The following PDGFC variants were observed in gnomAD, a reference collection of about 807,000 sequenced individuals.
PDGFC encodes the protein platelet derived growth factor C, also known as platelet-derived growth factor C.
PDGFC carries 12 observed loss-of-function variants against 35.5 expected under a neutral mutation model. That is an observed-to-expected ratio of 0.34 (90% confidence interval 0.22 to 0.55). PDGFC has a LOEUF of 0.55. PDGFC is among the 20% of genes least tolerant of loss of function. The probability of loss-of-function intolerance (pLI) is 0.91; values close to 1 mark genes in which losing one functional copy is unlikely to be tolerated. For synonymous variants in PDGFC, 159 were observed against 148.8 expected (o/e 1.07, Z -0.50); for missense variants, 322 against 412.4 (o/e 0.78, Z 1.90).
At chr4:156,941,907 GA>G (rs1051819340) in intron 1 of PDGFC, among the ~76,000 whole-genome samples, 1 of 151,734 alleles carries the variant, frequency 6.6e-6, no homozygotes. Flanking sequence ...AGGTGGCTTA[GA>G]AAAAAAATAA....
chr4:156,844,374 G>A (rs1371228644), intron 2 of PDGFC, among the ~76,000 whole-genome samples: 3 of 152,072 alleles, frequency 2.0e-5, no homozygotes, highest in Non-Finnish European at 1.5e-5. Context: ...AAGAAAACAA[G>A]CTAAATGAAT....
intron 1 of PDGFC, among the ~76,000 whole-genome samples, chr4:156,944,192 T>G (rs530056220): frequency 6.6e-6 from 1 of 152,266 alleles, no homozygotes; most frequent in Non-Finnish European, 1.5e-5. Context: ...AGATTGGGAT[T>G]AATGCTAGTA....
rs534749673 is a variant in PDGFC, at chr4:156,855,024, T to TA, written c.119-4609dup. 1.3e-3 allele frequency among the ~76,000 whole-genome samples: 205 copies of TA among 151,992 alleles called. 3 individuals carry two copies. In the East Asian group the frequency reaches 0.017, roughly 13 times the overall value. ...TAGAGGTACTGGAAACTAAAATGAA[T>TA]AAAAAATTTAAAAAAGGAAAAGAAG... On this transcript the variant is annotated intron_variant, in intron 1 of 5. Transcript: ENST00000502773.
At chr4:156,787,341 G>A (rs1236961837) in intron 3 of PDGFC, among the ~76,000 whole-genome samples, 1 of 152,172 alleles carries the variant, frequency 6.6e-6, no homozygotes, top group African/African-American at 2.4e-5. Context: ...AACCACTGAT[G>A]ATAGGTCTGA....
At chr4:156,786,534 C>G (rs1560810867) in intron 3 of PDGFC, among the ~76,000 whole-genome samples, 2 of 151,914 alleles carry the variant, frequency 1.3e-5, no homozygotes, top group African/African-American at 2.4e-5. Flanking sequence ...AAATTCAACT[C>G]AAGGAATGAC....
intron 2 of PDGFC, among the ~76,000 whole-genome samples, chr4:156,820,377 A>G (rs1469538158): frequency 6.6e-6 from 1 of 152,226 alleles, no homozygotes; most frequent in Non-Finnish European, 1.5e-5. Context: ...TCTTATTTTA[A>G]TAAACTGCCA....
intron 1 of PDGFC, among the ~76,000 whole-genome samples, chr4:156,866,334 A>AT (rs931377818): frequency 1.1e-4 from 16 of 152,042 alleles, no homozygotes; most frequent in East Asian, 3.9e-4. Flanking sequence ...TATGTGCCAC[A>AT]TTTTTTTTCT....
chr4:156,926,106 A>G (rs76703647), intron 1 of PDGFC, among the ~76,000 whole-genome samples: 171 of 150,278 alleles, frequency 1.1e-3, no homozygotes, highest in African/African-American at 4.0e-3. Flanking sequence ...ACACTACACT[A>G]TTGACTAATG....
At chr4:156,924,860 T>G (rs918528355) in intron 1 of PDGFC, among the ~76,000 whole-genome samples, 1 of 152,158 alleles carries the variant, frequency 6.6e-6, no homozygotes, top group Non-Finnish European at 1.5e-5. Flanking sequence ...CTGGGCAATC[T>G]TTTTGCTGCC....
At chr4:156,798,050 G>A (rs2110904506) in intron 3 of PDGFC, among the ~76,000 whole-genome samples, 1 of 152,238 alleles carries the variant, frequency 6.6e-6, no homozygotes, top group South Asian at 2.1e-4. Flanking sequence ...AAATTAGCCA[G>A]GCATGGTGGC....
chr4:156,800,261 T>C, intron 3 of PDGFC, among the ~76,000 whole-genome samples: 1 of 152,282 alleles, frequency 6.6e-6, no homozygotes, highest in South Asian at 2.1e-4. Flanking sequence ...TTGATACAAT[T>C]AAGCATTTTC....
intron 5 of PDGFC, 93 bp downstream of exon 5, chr4:156,767,680 C>T (rs984932971): frequency 2.5e-6 from 2 of 789,624 alleles, no homozygotes; most frequent in African/African-American, 3.5e-5. Flanking sequence ...AATACTACGT[C>T]TTTTTTCCAA....
chr4:156,891,977 G>T (rs1470394245), intron 1 of PDGFC, among the ~76,000 whole-genome samples: 5 of 152,138 alleles, frequency 3.3e-5, no homozygotes, highest in African/African-American at 1.2e-4. Context: ...AATGAATACA[G>T]TATTCTAGAC....
chr4:156,945,350 T>C (rs1263620758), intron 1 of PDGFC, among the ~76,000 whole-genome samples: 3,592 of 41,036 alleles, frequency 0.088, 211 homozygotes, highest in East Asian at 0.34. Flanking sequence ...TACATATATA[T>C]ATATATATAT....
At chr4:156,815,008 T>C (rs1487781070) in intron 2 of PDGFC, among the ~76,000 whole-genome samples, 1 of 152,156 alleles carries the variant, frequency 6.6e-6, no homozygotes, top group African/African-American at 2.4e-5. Context: ...CAACTAATTC[T>C]TACATGCTCA....
At chr4:156,814,746 T>C (rs7697679) in intron 2 of PDGFC, among the ~76,000 whole-genome samples, 9,625 of 152,214 alleles carry the variant, frequency 0.063, 996 homozygotes, top group African/African-American at 0.22. Flanking sequence ...TGTAACTTCT[T>C]TAAAAGTATT....
At chr4:156,823,688 A>G (rs981866052) in intron 2 of PDGFC, among the ~76,000 whole-genome samples, 2 of 152,204 alleles carry the variant, frequency 1.3e-5, no homozygotes, top group Admixed American at 6.5e-5. Flanking sequence ...AGGTTCCTCA[A>G]AAAGAGAAAA....
At chr4:156,779,177 G>A (rs1472658348) in intron 3 of PDGFC, 3 of 456,018 alleles carry the variant, frequency 6.6e-6, no homozygotes, top group Non-Finnish European at 8.8e-6. Flanking sequence ...ACACAAGAAT[G>A]TCCTGAAACA....
chr4:156,777,125 A>G (rs186250947), intron 3 of PDGFC, among the ~76,000 whole-genome samples: 2 of 152,224 alleles, frequency 1.3e-5, no homozygotes, highest in East Asian at 3.9e-4. Context: ...ACTGTGGGAT[A>G]ATTCTACATT....
Sources: gnomAD v4.1 joint callset for allele counts (sites outside exome capture counted in the v4.1 genomes callset) on GRCh38, gnomAD v4.1.1 for gene constraint, MANE v1.5 for transcripts, NCBI Gene and HGNC (gene_info 2026-07-23, HGNC 2026-07-21) for gene names.